ICA1L: variants seen among roughly 807,000 people sequenced by gnomAD.
ICA1L encodes the protein islet cell autoantigen 1 like.
In ICA1L, 50 loss-of-function variants were observed where a neutral mutation model predicts 61.3. That is an observed-to-expected ratio of 0.82 (90% CI 0.65 to 1.03). The LOEUF (loss-of-function observed/expected upper bound fraction) is 1.03, where lower values mean the gene tolerates loss of function less well. Ranked by LOEUF, ICA1L falls within the 50% of genes least tolerant of loss-of-function variation. The probability of loss-of-function intolerance (pLI) is 0.00; values close to 1 mark genes in which losing one functional copy is unlikely to be tolerated. For synonymous variants in ICA1L, 161 were observed against 191.3 expected, an observed-to-expected ratio of 0.84 and a Z score of 1.31; for missense variants, 508 against 556.7, an observed-to-expected ratio of 0.91 and a Z score of 0.88.
intron 12 of ICA1L, among the ~76,000 whole-genome samples, chr2:202,782,116 C>T (rs1478311976): frequency 2.6e-5 from 4 of 152,006 alleles, no homozygotes; most frequent in African/African-American, 7.2e-5. Flanking sequence ...GAGGCCAAGG[C>T]AGGTGGATCA....
At position 202,815,896 on chromosome 2, in the gene ICA1L, T is replaced by C. The variant is rs758939933; in HGVS notation, c.783+15A>G. The C allele has an allele frequency of 4.7e-6, 7 of 1,481,872 alleles. No homozygotes were observed. The highest frequency in any genetic ancestry group is 4.5e-5 in the Admixed American group (2 of 44,764). The allele number at this position is 1,481,872 out of a possible 1,614,324, so 91.8% of individuals were successfully genotyped here. On this transcript the variant is annotated intron_variant, in intron 7 of 12. Coordinates refer to ENST00000358299, the MANE Select transcript of ICA1L (RefSeq NM_001288622.3). The stretch of plus-strand genomic sequence containing the variant: ...AGTAATACATCTAAACAAGAGAACA[T>C]GGAACACAATGTACCTTGAGAGCTA...
chr2:202,820,802 C>T (rs1693679547), intron 4 of ICA1L, among the ~76,000 whole-genome samples: 2 of 152,282 alleles, frequency 1.3e-5, no homozygotes, highest in Non-Finnish European at 1.5e-5. Flanking sequence ...AAACTGGACA[C>T]CATCATTATA....
intron 1 of ICA1L, among the ~76,000 whole-genome samples, chr2:202,860,569 T>C (rs774919157): frequency 2.8e-4 from 43 of 151,542 alleles, no homozygotes; most frequent in Non-Finnish European, 4.9e-4. Context: ...CTGGCCAACA[T>C]GGTGAAACCC....
intron 9 of ICA1L, among the ~76,000 whole-genome samples, chr2:202,803,019 T>C (rs1376597079): frequency 6.6e-6 from 1 of 152,078 alleles, no homozygotes; most frequent in Non-Finnish European, 1.5e-5. Context: ...ACAAATGGGC[T>C]AAACTCGCCA....
intron 3 of ICA1L, among the ~76,000 whole-genome samples, chr2:202,825,191 A>G (rs72932777): frequency 0.092 from 14,009 of 152,256 alleles, 768 homozygotes; most frequent in Non-Finnish European, 0.13. Context: ...GCGCAGGCCC[A>G]GGCATGGTGA....
intron 5 of ICA1L, 89 bp downstream of exon 5, chr2:202,819,612 A>G (rs1693639121): frequency 1.9e-6 from 2 of 1,072,872 alleles, no homozygotes; most frequent in East Asian, 4.8e-5. Flanking sequence ...ATATTTACCA[A>G]AAAACATCTG....
Position 202,868,232 on chromosome 2 carries a change from CTT to C in ICA1L, c.-8+3385_-8+3386del, listed in dbSNP as rs1214752521. ...ATTTCCCCTCAAAAACAAAAAAAAA[CTT>C]TTGATAAAAGAGCAGGAATGAATTC... On this transcript the variant is annotated intron_variant, in intron 1 of 12. Coordinates refer to ENST00000358299, the MANE Select transcript of ICA1L (RefSeq NM_001288622.3). Among the ~76,000 whole-genome samples, 9 of 152,004 alleles carry C rather than the reference CTT, an allele frequency of 5.9e-5. No homozygotes were observed. The South Asian group carries it at 1.9e-3, about 32-fold the overall frequency.
chr2:202,778,463 T>C lies in ICA1L; in HGVS notation c.*1070A>G, dbSNP rs1418018407. 1 of 152,118 alleles carries C rather than the reference T, an allele frequency of 6.6e-6. No homozygotes were observed. The highest frequency in any genetic ancestry group is 1.5e-5 in the Non-Finnish European group (1 of 68,024). The allele number at this position is 152,118 out of a possible 1,614,324, so 9.4% of individuals were successfully genotyped here. A position where few individuals can be genotyped will look rare whatever the true frequency, so the allele number is the denominator to read the frequency against. ...CATGTCACCCACAGAAAGAGGGAAG[T>C]AGAAAAATGAGACACTCCCTTATTG... On this transcript the variant is annotated 3_prime_UTR_variant, in exon 13 of 13. Coordinates refer to ENST00000358299, the MANE Select transcript of ICA1L (RefSeq NM_001288622.3).
intron 1 of ICA1L, chr2:202,841,201 C>A: frequency 1.4e-6 from 1 of 692,520 alleles, no homozygotes; most frequent in Non-Finnish European, 2.7e-6. Flanking sequence ...CTGATGAGGA[C>A]AAATTCATTC....
chr2:202,838,416 G>A (rs1332175699), intron 1 of ICA1L, among the ~76,000 whole-genome samples: 1 of 152,182 alleles, frequency 6.6e-6, no homozygotes, highest in Non-Finnish European at 1.5e-5. Flanking sequence ...TGGATGGAAT[G>A]TTCTGCATAT....
Position 202,828,832 on chromosome 2 carries a change from G to GT in ICA1L, c.162+15_162+16insA, listed in dbSNP as rs1559140549. 1.9e-6 allele frequency: 3 copies of GT among 1,609,142 alleles called. No homozygotes were observed. Among genetic ancestry groups the GT allele is most frequent in the African/African-American group, 1.3e-5 (1 of 74,802 alleles). On this transcript the variant is annotated intron_variant, in intron 2 of 12. Transcript: ENST00000358299. ...AATGGCTGGTTATATGCAATACATAGAATCCTCAAATTTACCTCAAGTTTA... is the reference window on the plus strand; with the variant it reads ...AATGGCTGGTTATATGCAATACATAGTAATCCTCAAATTTACCTCAAGTTTA...
At chr2:202,815,312 G>C (rs1356058437) in intron 7 of ICA1L, among the ~76,000 whole-genome samples, 1 of 152,152 alleles carries the variant, frequency 6.6e-6, no homozygotes. Flanking sequence ...CAAGATATGA[G>C]CCTATCACAA....
chr2:202,825,181 G>A (rs1693805243), intron 3 of ICA1L, among the ~76,000 whole-genome samples: 1 of 152,154 alleles, frequency 6.6e-6, no homozygotes, highest in African/African-American at 2.4e-5. Context: ...TTCAGATGCT[G>A]CGCAGGCCCA....
chr2:202,773,712 TAG>T lies in ICA1L; in HGVS notation c.*5819_*5820del, dbSNP rs1692125924. 9.2e-6 allele frequency: 10 copies of T among 1,088,392 alleles called. No individual in the cohort carries two copies. The highest frequency in any genetic ancestry group is 1.4e-5 in the Non-Finnish European group (10 of 714,784). The allele number at this position is 1,088,392 out of a possible 1,614,324, so 67.4% of individuals were successfully genotyped here. ...ATTAATATATACAGCATATTGACTC[TAG>T]TTGCATCAGTTATGCATGAAGAGTT... On this transcript the variant is annotated 3_prime_UTR_variant, in exon 13 of 13. Coordinates refer to ENST00000358299, the MANE Select transcript of ICA1L (RefSeq NM_001288622.3).
intron 1 of ICA1L, 114 bp from the exon 2 acceptor site, chr2:202,829,130 C>T (rs931233111): frequency 2.0e-5 from 15 of 733,940 alleles, no homozygotes; most frequent in Admixed American, 9.5e-5. Flanking sequence ...GAGCGGATCA[C>T]GCGGTCATGA....
At chr2:202,833,703 G>A (rs576654807) in intron 1 of ICA1L, among the ~76,000 whole-genome samples, 13 of 152,280 alleles carry the variant, frequency 8.5e-5, no homozygotes, top group Admixed American at 5.2e-4. Flanking sequence ...TAACATTACA[G>A]ATGTTATGTA....
At chr2:202,863,776 G>A (rs1185376370) in intron 1 of ICA1L, among the ~76,000 whole-genome samples, 7 of 149,240 alleles carry the variant, frequency 4.7e-5, no homozygotes, top group Non-Finnish European at 7.4e-5. Context: ...GCAGTGAGCC[G>A]AGATAGCACC....
At chr2:202,847,643 A>G (rs1036603079) in intron 1 of ICA1L, among the ~76,000 whole-genome samples, 1 of 147,410 alleles carries the variant, frequency 6.8e-6, no homozygotes, top group Non-Finnish European at 1.5e-5. Context: ...TTCATGTTAT[A>G]TTTTTTCATT....
chr2:202,837,387 C>T (rs1399074104), intron 1 of ICA1L, among the ~76,000 whole-genome samples: 2 of 151,570 alleles, frequency 1.3e-5, no homozygotes, highest in African/African-American at 2.4e-5. Context: ...GGGTTCACGC[C>T]ATTCTCCTGC....
Sources: gnomAD v4.1 joint callset for allele counts (sites outside exome capture counted in the v4.1 genomes callset) on GRCh38, gnomAD v4.1.1 for gene constraint, MANE v1.5 for transcripts, NCBI Gene and HGNC (gene_info 2026-07-23, HGNC 2026-07-21) for gene names.